Variants in NEBL observed in about 807,000 individuals in gnomAD.
The protein encoded by NEBL is LIM and SH3 protein 2.
A neutral mutation model predicts 140.2 loss-of-function variants in NEBL; 122 were observed. That is an observed-to-expected ratio of 0.87 (90% CI 0.75 to 1.01). The LOEUF (loss-of-function observed/expected upper bound fraction) is 1.01. Among genes scored for constraint, NEBL ranks in the 50% least tolerant of loss-of-function variants. The pLI is 0.00. For missense variants in NEBL, 1,365 were observed against 1,231.3 expected, an observed-to-expected ratio of 1.11 and a Z score of -1.62; for synonymous variants, 436 against 398.9, an observed-to-expected ratio of 1.09 and a Z score of -1.11.
At chr10:21,030,026 A>G (rs1279398131) in intron 2 of NEBL, 12 of 481,206 alleles carry the variant, frequency 2.5e-5, no homozygotes, top group Non-Finnish European at 4.8e-5. Context: ...AAAGCCTCAT[A>G]ATACTCCTAA....
chr10:20,975,864 G>C (rs1305554372), intron 3 of NEBL, among the ~76,000 whole-genome samples: 3 of 152,188 alleles, frequency 2.0e-5, no homozygotes, highest in Non-Finnish European at 4.4e-5. Context: ...GATTTAGATA[G>C]AGGTGTTATT....
At chr10:21,082,197 A>G (rs1836397879) in intron 2 of NEBL, among the ~76,000 whole-genome samples, 1 of 152,220 alleles carries the variant, frequency 6.6e-6, no homozygotes, top group Admixed American at 6.5e-5. Flanking sequence ...GAACTCTTGC[A>G]GGTTAGTGGA....
At chr10:21,056,758 G>A (rs533769568) in intron 2 of NEBL, among the ~76,000 whole-genome samples, 8 of 152,246 alleles carry the variant, frequency 5.3e-5, no homozygotes, top group East Asian at 1.9e-4. Context: ...AAAATACTGC[G>A]AGAAAGAAAG....
intron 2 of NEBL, among the ~76,000 whole-genome samples, chr10:21,143,730 A>C (rs1158205809): frequency 6.6e-6 from 1 of 152,116 alleles, no homozygotes; most frequent in African/African-American, 2.4e-5. Context: ...CTACGTGTTC[A>C]ATAAGTGACT....
chr10:20,967,559 C>A (rs371113679), intron 3 of NEBL, among the ~76,000 whole-genome samples: 1 of 151,362 alleles, frequency 6.6e-6, no homozygotes, highest in Non-Finnish European at 1.5e-5. Flanking sequence ...ACCTGGGAGG[C>A]GGAGGTTGCA....
intron 2 of NEBL, among the ~76,000 whole-genome samples, chr10:21,031,263 C>T (rs1833771685): frequency 6.6e-6 from 1 of 152,198 alleles, no homozygotes; most frequent in South Asian, 2.1e-4. Context: ...ATCACCTGCT[C>T]ACCATGAGAA....
At chr10:21,087,242 C>T (rs912258504) in intron 2 of NEBL, among the ~76,000 whole-genome samples, 3 of 152,176 alleles carry the variant, frequency 2.0e-5, no homozygotes, top group African/African-American at 7.2e-5. Flanking sequence ...AATATTTGCT[C>T]ACTAAATAAA....
chr10:21,033,168 C>T (rs898598694), intron 2 of NEBL, among the ~76,000 whole-genome samples: 2 of 152,106 alleles, frequency 1.3e-5, no homozygotes, highest in East Asian at 1.9e-4. Flanking sequence ...GAACACCAAC[C>T]GGCACTGTTG....
intron 3 of NEBL, among the ~76,000 whole-genome samples, chr10:21,241,426 G>A (rs1253242943): frequency 6.6e-6 from 1 of 152,122 alleles, no homozygotes. Flanking sequence ...GCTTCCTGTA[G>A]CTTTTGGAAA....
intron 9 of NEBL, among the ~76,000 whole-genome samples, chr10:20,854,253 T>A (rs948281698): frequency 6.6e-6 from 1 of 151,904 alleles, no homozygotes; most frequent in Non-Finnish European, 1.5e-5. Context: ...CCAAAAACAG[T>A]ATTTGAAAGG....
intron 1 of NEBL, among the ~76,000 whole-genome samples, chr10:21,273,164 G>A (rs1842878974): frequency 6.6e-6 from 1 of 152,104 alleles, no homozygotes; most frequent in Non-Finnish European, 1.5e-5. Context: ...TAATAGAAGG[G>A]CAGTTTGTGG....
At chr10:20,936,256 G>C (rs7920722) in intron 4 of NEBL, among the ~76,000 whole-genome samples, 3,926 of 152,114 alleles carry the variant, frequency 0.026, 60 homozygotes, top group Middle Eastern at 0.082. Context: ...TTACAGATGT[G>C]GAAACTTAGA....
intron 7 of NEBL, among the ~76,000 whole-genome samples, chr10:20,861,820 T>C (rs7092710): frequency 0.033 from 4,976 of 152,212 alleles, 241 homozygotes; most frequent in African/African-American, 0.11. Flanking sequence ...CCCAAGTAAA[T>C]GTTACAGACA....
At position 21,173,762 on chromosome 10, in the gene NEBL, C is replaced by A. The variant is rs777499013; in HGVS notation, c.69+3G>T. The A allele has an allele frequency of 6.2e-7, 1 of 1,613,050 alleles. No homozygotes were observed. The highest frequency in any genetic ancestry group is 8.5e-7 in the Non-Finnish European group (1 of 1,179,852). ...CAGGCTGGCCCGGCGCCCCCTCGCT[C>A]ACCTTATCCAGGCAGTTGACTTTCT... On this transcript the variant is annotated splice_donor_region_variant and intron_variant, in intron 1 of 6. Coordinates refer to the NEBL transcript ENST00000417816. The surrounding 1 kb of genome is among the most constrained non-coding windows in gnomAD (Gnocchi z 5.7).
chr10:20,808,126 T>A (rs1174342660), intron 26 of NEBL, among the ~76,000 whole-genome samples: 2 of 152,100 alleles, frequency 1.3e-5, no homozygotes, highest in Non-Finnish European at 1.5e-5. Flanking sequence ...TACTGTAAGA[T>A]TGATTTTTTT....
At position 21,250,435 on chromosome 10, in the gene NEBL, A is replaced by G. The variant is rs183856285; in HGVS notation, n.279+1297T>C. Among the ~76,000 whole-genome samples the G allele has an allele frequency of 4.1e-3, 624 of 152,322 alleles. 5 individuals carry two copies. Among genetic ancestry groups the G allele is most frequent in the Middle Eastern group, 6.8e-3 (2 of 294 alleles). ...TTCCTTTCTCCTCAGCTTGGCTTGCAGACAGCCTATTGTGGGACCTTGTGA... is the reference window on the plus strand; with the variant it reads ...TTCCTTTCTCCTCAGCTTGGCTTGCGGACAGCCTATTGTGGGACCTTGTGA... On this transcript the variant is annotated intron_variant and non_coding_transcript_variant, in intron 2 of 8. Transcript: ENST00000675702.
At chr10:21,008,793 G>A (rs995534169) in intron 3 of NEBL, among the ~76,000 whole-genome samples, 11 of 151,898 alleles carry the variant, frequency 7.2e-5, no homozygotes, top group Non-Finnish European at 8.8e-5. Context: ...TATAAGGTTC[G>A]GTACTATCTG....
At chr10:21,011,440 A>G (rs1394766520) in intron 3 of NEBL, among the ~76,000 whole-genome samples, 1 of 152,258 alleles carries the variant, frequency 6.6e-6, no homozygotes, top group Non-Finnish European at 1.5e-5. Flanking sequence ...AGTCCATTCA[A>G]CAACTGAAAC....
At chr10:20,910,886 G>A (rs1848302051) in intron 4 of NEBL, among the ~76,000 whole-genome samples, 1 of 150,448 alleles carries the variant, frequency 6.6e-6, no homozygotes, top group Non-Finnish European at 1.5e-5. Context: ...AGTAGGCACT[G>A]GCCAGGCATG....
Sources: allele counts gnomAD v4.1 joint callset (sites outside exome capture counted in the v4.1 genomes callset), GRCh38; gene constraint gnomAD v4.1.1; non-coding constraint Gnocchi (gnomAD v3.1); transcripts MANE v1.5; gene names NCBI Gene and HGNC (gene_info 2026-07-23, HGNC 2026-07-21).